The following ASIC2 variants were observed in gnomAD, a reference collection of about 807,000 sequenced individuals.
ASIC2 encodes acid-sensing ion channel 2.
A neutral mutation model predicts 57.3 loss-of-function variants in ASIC2; 25 were observed. The observed-to-expected ratio is 0.44, with a 90% CI of 0.32 to 0.61. The LOEUF is 0.61. Ranked by LOEUF, ASIC2 falls within the 20% of genes least tolerant of loss-of-function variation. The pLI is 0.06. For missense variants in ASIC2, 641 were observed against 738.1 expected (o/e 0.87, Z 1.52); for synonymous variants, 319 against 307.5 (o/e 1.04, Z -0.39).
At chr17:34,050,898 C>T (rs575902942) in intron 1 of ASIC2, among the ~76,000 whole-genome samples, 1 of 152,280 alleles carries the variant, frequency 6.6e-6, no homozygotes, top group South Asian at 2.1e-4. Flanking sequence ...TCACTATTTC[C>T]AGGAAAGGAC....
chr17:34,013,460 C>T (rs749299183), intron 1 of ASIC2, among the ~76,000 whole-genome samples: 1 of 152,182 alleles, frequency 6.6e-6, no homozygotes, highest in Non-Finnish European at 1.5e-5. Context: ...CAATAAGACC[C>T]TTGAGGAGAG....
chr17:33,840,584 G>A (rs1372654148), intron 1 of ASIC2, among the ~76,000 whole-genome samples: 1 of 152,144 alleles, frequency 6.6e-6, no homozygotes, highest in African/African-American at 2.4e-5. Flanking sequence ...TCTTTAAGCT[G>A]TTAATCAAAG....
chr17:33,818,873 CACA>C (rs1390896456), intron 1 of ASIC2, among the ~76,000 whole-genome samples: 1 of 152,206 alleles, frequency 6.6e-6, no homozygotes, highest in African/African-American at 2.4e-5. Flanking sequence ...TGGAATGAAT[CACA>C]ACAATTAAAA....
intron 1 of ASIC2, among the ~76,000 whole-genome samples, chr17:34,032,698 G>T (rs954380758): frequency 6.6e-6 from 1 of 152,104 alleles, no homozygotes; most frequent in African/African-American, 2.4e-5. Flanking sequence ...ACAAAAAAAG[G>T]CAGGGATTGC....
chr17:33,384,883 C>T (rs1489049628), intron 1 of ASIC2, among the ~76,000 whole-genome samples: 1 of 152,146 alleles, frequency 6.6e-6, no homozygotes, highest in Non-Finnish European at 1.5e-5. Flanking sequence ...ATGCCCAATG[C>T]CATCATAAAT....
At chr17:34,023,439 T>A (rs1298759980) in intron 1 of ASIC2, among the ~76,000 whole-genome samples, 1 of 151,502 alleles carries the variant, frequency 6.6e-6, no homozygotes, top group Non-Finnish European at 1.5e-5. Context: ...CTGCAGAGGC[T>A]CACACACTGA....
intron 3 of ASIC2, among the ~76,000 whole-genome samples, chr17:33,062,890 T>C (rs976885628): frequency 8.5e-5 from 13 of 152,234 alleles, no homozygotes; most frequent in Non-Finnish European, 1.3e-4. Context: ...CTCTTCTTGT[T>C]GAATTGATCC....
chr17:33,058,488 A>C (rs1414743554), intron 3 of ASIC2, among the ~76,000 whole-genome samples: 1 of 150,732 alleles, frequency 6.6e-6, no homozygotes, highest in Non-Finnish European at 1.5e-5. Context: ...AAAAAAAAAA[A>C]AAACAAAACC....
At chr17:33,384,532 C>T (rs549673570) in intron 1 of ASIC2, among the ~76,000 whole-genome samples, 1 of 152,180 alleles carries the variant, frequency 6.6e-6, no homozygotes, top group South Asian at 2.1e-4. Flanking sequence ...CAAGTTATGT[C>T]TGTTTACCTG....
chr17:33,230,482 C>T (rs1044802240), intron 1 of ASIC2, among the ~76,000 whole-genome samples: 3 of 152,216 alleles, frequency 2.0e-5, no homozygotes, highest in Non-Finnish European at 4.4e-5. Flanking sequence ...GCTGCAGAAC[C>T]AGAGGCAAGT....
At chr17:33,536,143 G>A (rs1421828677) in intron 1 of ASIC2, among the ~76,000 whole-genome samples, 1 of 152,110 alleles carries the variant, frequency 6.6e-6, no homozygotes, top group African/African-American at 2.4e-5. Context: ...GGGAGTATAC[G>A]GGAGTGACGT....
intron 1 of ASIC2, among the ~76,000 whole-genome samples, chr17:33,539,769 T>A (rs1915348827): frequency 6.6e-6 from 1 of 152,074 alleles, no homozygotes; most frequent in Admixed American, 6.6e-5. Flanking sequence ...CTTCGGGAGC[T>A]CACAGTCCAG....
intron 1 of ASIC2, among the ~76,000 whole-genome samples, chr17:33,755,223 C>T (rs1445344460): frequency 6.6e-6 from 1 of 152,164 alleles, no homozygotes; most frequent in Admixed American, 6.5e-5. Context: ...GGAATGCTGG[C>T]AGCCACCAAA....
intron 1 of ASIC2, among the ~76,000 whole-genome samples, chr17:34,093,937 T>C (rs1346607707): frequency 6.6e-6 from 1 of 152,172 alleles, no homozygotes; most frequent in African/African-American, 2.4e-5. Flanking sequence ...CCTGGAGCCC[T>C]TACCCTGTAG....
intron 1 of ASIC2, among the ~76,000 whole-genome samples, chr17:33,473,332 C>G (rs979981658): frequency 6.6e-6 from 1 of 152,224 alleles, no homozygotes; most frequent in Non-Finnish European, 1.5e-5. Context: ...AACATCCCAT[C>G]GGCTTACCAC....
chr17:34,070,651 C>G (rs182221038), intron 1 of ASIC2: 1 of 152,214 alleles, frequency 6.6e-6, no homozygotes, highest in Non-Finnish European at 1.5e-5. Flanking sequence ...CCTGCTCCTA[C>G]GAGGAATTGC....
intron 1 of ASIC2, among the ~76,000 whole-genome samples, chr17:33,943,846 G>A (rs899518911): frequency 8.6e-5 from 13 of 152,012 alleles, no homozygotes; most frequent in Admixed American, 2.6e-4. Context: ...TGTTATCCCC[G>A]TTTTATTGGT....
At chr17:34,038,419 G>A (rs1907975010) in intron 1 of ASIC2, 15 of 1,612,154 alleles carry the variant, frequency 9.3e-6, no homozygotes, top group Non-Finnish European at 1.2e-5. Context: ...CATGCTTGTG[G>A]TAATTCTCCT....
chr17:33,974,647 T>TCC (rs1555576614), intron 1 of ASIC2, among the ~76,000 whole-genome samples: 2 of 151,344 alleles, frequency 1.3e-5, no homozygotes, highest in African/African-American at 4.9e-5. Context: ...CATCCATCCA[T>TCC]AGAGCCCTGC....
Sources: gnomAD v4.1 joint callset for allele counts (sites outside exome capture counted in the v4.1 genomes callset) on GRCh38, gnomAD v4.1.1 for gene constraint, MANE v1.5 for transcripts, NCBI Gene and HGNC (gene_info 2026-07-23, HGNC 2026-07-21) for gene names.